Variants in BACC1 observed in about 807,000 individuals in gnomAD.
BACC1 encodes the protein BPTF-associated chromatin complex component 1.
the BACC1 span, chr17:7,017,354 C>T: frequency 1.3e-5 from 21 of 1,580,932 alleles, no homozygotes; most frequent in South Asian, 4.4e-5. Context: ...CTGTTCATGC[C>T]GGACCTGTGG....
chr17:7,017,099 C>A, the BACC1 span: 12 of 1,528,606 alleles, frequency 7.9e-6, no homozygotes, highest in Non-Finnish European at 1.1e-5. Context: ...TCCGCAGGGG[C>A]CCCTCCCTTG....
At chr17:7,016,871 T>C in the BACC1 span, 3 of 1,583,810 alleles carry the variant, frequency 1.9e-6, no homozygotes, top group Non-Finnish European at 2.6e-6. Flanking sequence ...GGAGAGGCTG[T>C]CAGGGGAACC....
the BACC1 span, chr17:7,015,347 C>T: frequency 7.3e-7 from 1 of 1,373,662 alleles, no homozygotes; most frequent in Admixed American, 3.6e-5. Context: ...AGGCCCATAG[C>T]CCAGACTCCT....
At chr17:7,014,923 G>A in the BACC1 span, 17 of 1,502,290 alleles carry the variant, frequency 1.1e-5, no homozygotes, top group African/African-American at 2.2e-4. This position sits in a 1 kb window ranked among gnomAD's most constrained non-coding sequence, Gnocchi z 4.5. Flanking sequence ...GCCACGGGAG[G>A]GCGGGCCCCC....
At chr17:7,015,545 G>T in the BACC1 span, 1 of 1,418,630 alleles carries the variant, frequency 7.0e-7, no homozygotes, top group African/African-American at 1.4e-5. Context: ...GGTGGAAAGG[G>T]GTGTCTAAGG....
the BACC1 span, chr17:7,015,333 A>G: frequency 7.3e-7 from 1 of 1,374,546 alleles, no homozygotes; most frequent in African/African-American, 1.5e-5. Context: ...ATAAAAATAC[A>G]GACAGGCCCA....
the BACC1 span, chr17:7,014,990 G>T: frequency 1.4e-6 from 2 of 1,427,664 alleles, no homozygotes; most frequent in Admixed American, 5.9e-5. The surrounding 1 kb of genome is among the most constrained non-coding windows in gnomAD (Gnocchi z 4.5). Context: ...CCGAGCCTGG[G>T]GTGGGGCTAG....
At chr17:7,014,969 G>T in the BACC1 span, 85 of 1,437,414 alleles carry the variant, frequency 5.9e-5, no homozygotes, top group East Asian at 2.1e-3. This position sits in a 1 kb window ranked among gnomAD's most constrained non-coding sequence, Gnocchi z 4.5. Flanking sequence ...CGGGCGGGGG[G>T]CGGGCGGGAG....
chr17:7,014,988 G>A, the BACC1 span: 10 of 1,428,366 alleles, frequency 7.0e-6, no homozygotes, highest in Non-Finnish European at 9.1e-6. The surrounding 1 kb of genome is among the most constrained non-coding windows in gnomAD (Gnocchi z 4.5). Flanking sequence ...AGCCGAGCCT[G>A]GGGTGGGGCT....
At chr17:7,015,610 CAA>C in the BACC1 span, 1 of 1,357,436 alleles carries the variant, frequency 7.4e-7, no homozygotes, top group South Asian at 1.5e-5. Context: ...CGCAGGGCCT[CAA>C]GAGCTTTCCG....
the BACC1 span, chr17:7,016,267 G>T: frequency 7.1e-6 from 4 of 561,656 alleles, no homozygotes; most frequent in East Asian, 1.2e-4. Flanking sequence ...TCCCAGAAGA[G>T]AATTAGGAGA....
At chr17:7,014,916 AC>A in the BACC1 span, 2 of 1,503,244 alleles carry the variant, frequency 1.3e-6, no homozygotes, top group African/African-American at 2.9e-5. This position sits in a 1 kb window ranked among gnomAD's most constrained non-coding sequence, Gnocchi z 4.5. Context: ...CCTGGCGGCC[AC>A]GGGAGGGCGG....
At chr17:7,015,109 G>C in the BACC1 span, 1 of 1,581,760 alleles carries the variant, frequency 6.3e-7, no homozygotes, top group Non-Finnish European at 8.5e-7. Flanking sequence ...CGAAGCTCGG[G>C]GAGCTGACGA....
At chr17:7,016,779 T>C in the BACC1 span, 3 of 1,527,970 alleles carry the variant, frequency 2.0e-6, no homozygotes, top group Admixed American at 5.5e-5. Context: ...TCAGTCTCTC[T>C]TCCTGTCCCT....
At chr17:7,016,582 G>A in the BACC1 span, 1 of 1,614,178 alleles carries the variant, frequency 6.2e-7, no homozygotes, top group Non-Finnish European at 8.5e-7. Flanking sequence ...AAGGGCCCAA[G>A]AAGGTGGCAT....
chr17:7,015,581 T>C, the BACC1 span: 34 of 1,413,680 alleles, frequency 2.4e-5, no homozygotes, highest in East Asian at 8.1e-4. Context: ...TTTCTTGTGA[T>C]TGGGGTCCTC....
At chr17:7,017,370 C>T in the BACC1 span, 1 of 1,553,376 alleles carries the variant, frequency 6.4e-7, no homozygotes, top group Non-Finnish European at 8.9e-7. Flanking sequence ...TGTGGATCTC[C>T]TGGGACTCCG....
At chr17:7,015,740 C>G in the BACC1 span, 2 of 1,590,538 alleles carry the variant, frequency 1.3e-6, no homozygotes, top group Non-Finnish European at 8.6e-7. Context: ...CCCCCCCTCC[C>G]ATTTTTGCTA....
chr17:7,015,786 G>T, the BACC1 span: 1 of 1,613,968 alleles, frequency 6.2e-7, no homozygotes, highest in Non-Finnish European at 8.5e-7. Flanking sequence ...CGAAGTGGAC[G>T]GAGACGGAAA....
Sources: gnomAD v4.1 joint callset for allele counts on GRCh38, gnomAD v4.1.1 for gene constraint, Gnocchi (gnomAD v3.1) non-coding constraint, MANE v1.5 for transcripts, NCBI Gene and HGNC (gene_info 2026-07-23, HGNC 2026-07-21) for gene names.